Variants in FHL2 observed in about 807,000 individuals in gnomAD.
FHL2 encodes four and a half LIM domains 2.
FHL2 carries 20 observed loss-of-function variants against 32.7 expected under a neutral mutation model. That is an observed-to-expected ratio of 0.61 (90% CI 0.43 to 0.89). The LOEUF (loss-of-function observed/expected upper bound fraction) is 0.89. Among genes scored for constraint, FHL2 ranks in the 40% least tolerant of loss-of-function variants. FHL2 has a pLI of 0.00. For synonymous variants in FHL2, 123 were observed against 128.1 expected, an observed-to-expected ratio of 0.96 and a Z score of 0.27; for missense variants, 311 against 358.6, an observed-to-expected ratio of 0.87 and a Z score of 1.07.
At chr2:105,431,711 G>A (rs766431709) in intron 1 of FHL2, among the ~76,000 whole-genome samples, 4 of 152,218 alleles carry the variant, frequency 2.6e-5, no homozygotes, top group Non-Finnish European at 4.4e-5. Flanking sequence ...GGGAAAAGGA[G>A]ACACACTGTC....
Position 105,396,695 on chromosome 2 carries a change from C to A in FHL2, c.-73G>T, listed in dbSNP as rs1164782523. On this transcript the variant is annotated splice_region_variant and 5_prime_UTR_variant, in exon 2 of 7. Transcript: ENST00000530340. ...GTCTCCAGGAAGACACAGTTCTCAGCCACTAGAGAAAGCACACGTGTTTTG... is the reference window on the plus strand; with the variant it reads ...GTCTCCAGGAAGACACAGTTCTCAGACACTAGAGAAAGCACACGTGTTTTG... 1 of 1,612,752 alleles carries A rather than the reference C, an allele frequency of 6.2e-7. No homozygotes were observed. Among genetic ancestry groups the A allele is most frequent in the Non-Finnish European group, 8.5e-7 (1 of 1,179,846 alleles).
chr2:105,428,851 C>G (rs7580742), intron 1 of FHL2, among the ~76,000 whole-genome samples: 2 of 152,060 alleles, frequency 1.3e-5, no homozygotes, highest in African/African-American at 4.8e-5. Flanking sequence ...TGTACAGACA[C>G]CCTGTTGGAT....
exon 1 of FHL2, chr2:105,438,485 C>A: frequency 1.0e-5 from 10 of 985,600 alleles, no homozygotes; most frequent in Non-Finnish European, 1.2e-5. Context: ...TTGGATGGCC[C>A]CAACCTTCTG....
intron 1 of FHL2, among the ~76,000 whole-genome samples, chr2:105,414,478 C>T (rs138943866): frequency 6.6e-6 from 1 of 152,158 alleles, no homozygotes; most frequent in African/African-American, 2.4e-5. Context: ...ACCCGCCCCC[C>T]CTCCGCCGCC....
chr2:105,362,208 T>C lies in FHL2; in HGVS notation c.689-774A>G, dbSNP rs186964325. ...ATATGTTCTGGCAAAAGATTACATTTTCCCCCTAAAAGATTCCAAGGGAAA... is the reference window on the plus strand; with the variant it reads ...ATATGTTCTGGCAAAAGATTACATTCTCCCCCTAAAAGATTCCAAGGGAAA... On this transcript the variant is annotated intron_variant, in intron 6 of 6. Coordinates refer to ENST00000530340, the MANE Select transcript of FHL2 (RefSeq NM_001318895.3). Among the ~76,000 whole-genome samples, 318 of 152,340 alleles carry C rather than the reference T, an allele frequency of 2.1e-3. 3 individuals carry two copies. The highest frequency in any genetic ancestry group is 7.1e-3 in the African/African-American group (294 of 41,576).
chr2:105,413,771 C>A (rs753174743), intron 1 of FHL2, among the ~76,000 whole-genome samples: 26 of 152,200 alleles, frequency 1.7e-4, no homozygotes, highest in African/African-American at 6.0e-4. Flanking sequence ...TGAGCCATCA[C>A]GCCCAACCCC....
At chr2:105,357,919 C>G (rs977289294), downstream of FHL2, 3 of 152,154 alleles carry the variant, frequency 2.0e-5, no homozygotes, top group Admixed American at 2.0e-4. Flanking sequence ...GATTTCTGCT[C>G]TTTGCTGATG....
chr2:105,418,447 A>T (rs1683999612), intron 1 of FHL2, among the ~76,000 whole-genome samples: 1 of 152,132 alleles, frequency 6.6e-6, no homozygotes, highest in Non-Finnish European at 1.5e-5. Flanking sequence ...AAAAACAAAA[A>T]ACCCATTTTA....
At chr2:105,427,209 T>G (rs560105981) in intron 1 of FHL2, among the ~76,000 whole-genome samples, 2 of 152,324 alleles carry the variant, frequency 1.3e-5, no homozygotes, top group East Asian at 3.9e-4. Flanking sequence ...ACCCTCACAT[T>G]TAATGCTAGA....
chr2:105,426,948 A>G (rs1164999479), intron 1 of FHL2, among the ~76,000 whole-genome samples: 1 of 152,200 alleles, frequency 6.6e-6, no homozygotes, highest in Non-Finnish European at 1.5e-5. Context: ...ATAAAGACTT[A>G]TGTTGATAGA....
chr2:105,402,581 A>G (rs970541238), upstream of FHL2, among the ~76,000 whole-genome samples: 1 of 152,008 alleles, frequency 6.6e-6, no homozygotes, highest in Non-Finnish European at 1.5e-5. Context: ...AAAGCAACAG[A>G]CTCCTTTAAG....
At chr2:105,393,601 C>G (rs1682890832) in intron 2 of FHL2, among the ~76,000 whole-genome samples, 1 of 152,206 alleles carries the variant, frequency 6.6e-6, no homozygotes, top group Non-Finnish European at 1.5e-5. Context: ...GCAGGGAACA[C>G]ACACAGGACC....
intron 4 of FHL2, among the ~76,000 whole-genome samples, chr2:105,369,100 T>C (rs1250722378): frequency 6.6e-6 from 1 of 152,164 alleles, no homozygotes; most frequent in Non-Finnish European, 1.5e-5. Context: ...GCCCCAAATA[T>C]TTATCTGATT....
At chr2:105,380,127 A>G (rs181428494) in intron 3 of FHL2, among the ~76,000 whole-genome samples, 5 of 152,298 alleles carry the variant, frequency 3.3e-5, no homozygotes, top group African/African-American at 1.2e-4. Flanking sequence ...AGGTAACTCA[A>G]TACTGCCAGG....
At chr2:105,402,177 CTG>C (rs1256071396), upstream of FHL2, among the ~76,000 whole-genome samples, 1 of 147,640 alleles carries the variant, frequency 6.8e-6, no homozygotes, top group Non-Finnish European at 1.5e-5. Context: ...ATATATGTAT[CTG>C]TATGTATATA....
At chr2:105,411,547 T>G (rs867201527) in intron 1 of FHL2, among the ~76,000 whole-genome samples, 4 of 147,504 alleles carry the variant, frequency 2.7e-5, no homozygotes, top group East Asian at 2.0e-4. Flanking sequence ...GGTTTTTTTT[T>G]TTTTTTTTTT....
At chr2:105,367,345 G>A (rs949107549) in intron 5 of FHL2, among the ~76,000 whole-genome samples, 1 of 152,214 alleles carries the variant, frequency 6.6e-6, no homozygotes, top group Non-Finnish European at 1.5e-5. Flanking sequence ...AGAAGGCAGG[G>A]TTAAACGATT....
upstream of FHL2, among the ~76,000 whole-genome samples, chr2:105,399,907 G>C (rs1435439204): frequency 6.6e-6 from 1 of 152,154 alleles, no homozygotes; most frequent in Non-Finnish European, 1.5e-5. Flanking sequence ...TTTGGGGGCA[G>C]GTGTATTATT....
At chr2:105,399,186 GC>G (rs964531330), upstream of FHL2, 1 of 1,413,618 alleles carries the variant, frequency 7.1e-7, no homozygotes, top group Non-Finnish European at 9.1e-7. Flanking sequence ...CGGTTGCCGT[GC>G]CCCCGCCCCG....
Sources: gnomAD v4.1 joint callset for allele counts (sites outside exome capture counted in the v4.1 genomes callset) on GRCh38, gnomAD v4.1.1 for gene constraint, MANE v1.5 for transcripts, NCBI Gene and HGNC (gene_info 2026-07-23, HGNC 2026-07-21) for gene names.